Variants in LPIN1 observed in about 807,000 individuals in gnomAD.
LPIN1 encodes lipin 1.
LPIN1 carries 71 observed loss-of-function variants against 107.5 expected under a neutral mutation model. That is an observed-to-expected ratio of 0.66 (90% confidence interval 0.55 to 0.80). The LOEUF (loss-of-function observed/expected upper bound fraction) is 0.80. Ranked by LOEUF, LPIN1 falls within the 30% of genes least tolerant of loss-of-function variation. The pLI, the probability that LPIN1 is intolerant of heterozygous loss-of-function variation, is 0.00. For missense variants in LPIN1, 1,043 were observed against 1,160.6 expected, an observed-to-expected ratio of 0.90 and a Z score of 1.47; for synonymous variants, 445 against 452.6, an observed-to-expected ratio of 0.98 and a Z score of 0.21.
chr2:11,754,526 C>T (rs1463937212), intron 1 of LPIN1, among the ~76,000 whole-genome samples: 1 of 152,218 alleles, frequency 6.6e-6, no homozygotes, highest in Non-Finnish European at 1.5e-5. Flanking sequence ...ACTTTACCTT[C>T]TGAGAGGCTC....
At chr2:11,795,174 G>A (rs568154255) in intron 13 of LPIN1, among the ~76,000 whole-genome samples, 3 of 152,254 alleles carry the variant, frequency 2.0e-5, no homozygotes, top group South Asian at 4.2e-4. Flanking sequence ...TAACAGATTC[G>A]TTTCTGTCAA....
At chr2:11,760,847 C>G (rs1045800340) in intron 1 of LPIN1, among the ~76,000 whole-genome samples, 3 of 152,094 alleles carry the variant, frequency 2.0e-5, no homozygotes, top group African/African-American at 7.2e-5. Context: ...GGGAGGTGGT[C>G]TCATCATTCG....
intron 4 of LPIN1, among the ~76,000 whole-genome samples, chr2:11,773,373 G>A (rs540257292): frequency 5.3e-5 from 8 of 152,312 alleles, no homozygotes; most frequent in African/African-American, 1.7e-4. Context: ...CTGCATGTGT[G>A]TCTGAGTCCA....
chr2:11,721,267 T>C (rs867746652), upstream of LPIN1, among the ~76,000 whole-genome samples: 918 of 113,208 alleles, frequency 8.1e-3, 13 homozygotes, highest in African/African-American at 0.029. Flanking sequence ...TGCATGCGTG[T>C]GTGTGTGTGT....
chr2:11,723,172 C>A (rs1187257634), upstream of LPIN1, among the ~76,000 whole-genome samples: 3 of 152,164 alleles, frequency 2.0e-5, no homozygotes, highest in African/African-American at 7.2e-5. Flanking sequence ...GTTTTGTATG[C>A]CTGGAAGATC....
chr2:11,760,788 C>T (rs772780848), intron 1 of LPIN1, among the ~76,000 whole-genome samples: 1 of 152,048 alleles, frequency 6.6e-6, no homozygotes, highest in Non-Finnish European at 1.5e-5. Flanking sequence ...AAAAAAATAC[C>T]AACAGTAGTT....
chr2:11,720,708 G>GTCA (rs1212024402), upstream of LPIN1, among the ~76,000 whole-genome samples: 1 of 152,076 alleles, frequency 6.6e-6, no homozygotes, highest in Non-Finnish European at 1.5e-5. Flanking sequence ...GTGGAGCCAG[G>GTCA]TCAGCAGTGG....
intron 13 of LPIN1, among the ~76,000 whole-genome samples, chr2:11,792,629 T>C (rs962321408): frequency 2.6e-5 from 4 of 152,138 alleles, no homozygotes; most frequent in African/African-American, 4.8e-5. Flanking sequence ...GCGATCTGCC[T>C]GCCTAGGCCT....
Position 11,765,717 on chromosome 2 carries a change from G to C in LPIN1, c.176G>C (p.Arg59Pro), listed in dbSNP as rs140179571. 6.2e-7 allele frequency: 1 copy of C among 1,610,998 alleles called. No homozygotes were observed. The highest frequency in any genetic ancestry group is 1.1e-5 in the South Asian group (1 of 90,976). The change falls in exon 2 of 21, where the codon CGC becomes CCC. Residue 59 changes from arginine (R) to proline (P), a missense_variant. Physicochemically the swap from Arg to Pro is moderately radical, Grantham distance 103. Transcript: ENST00000674199. The surrounding 1 kb of genome is among the most constrained non-coding windows in gnomAD (Gnocchi z 4.4). ...CGCTTTGGGAAGATGGGGGTCCTGCGCTCCCGAGAGAAAGTGGTGAGCTCT... is the reference window on the plus strand; with the variant it reads ...CGCTTTGGGAAGATGGGGGTCCTGCCCTCCCGAGAGAAAGTGGTGAGCTCT... ...HVRFGKMGVL[R>P]SREKVVDIEI... is the part of the protein sequence containing the mutation.
intron 1 of LPIN1, among the ~76,000 whole-genome samples, chr2:11,710,420 G>A (rs1190689543): frequency 6.6e-6 from 1 of 152,026 alleles, no homozygotes; most frequent in Admixed American, 6.5e-5. Context: ...GACTCACACC[G>A]AGAACAGGAA....
intron 3 of LPIN1, 71 bp downstream of exon 3, chr2:11,767,929 G>C: frequency 1.0e-6 from 1 of 993,376 alleles, no homozygotes. Context: ...TGGAAACACG[G>C]CAGAAGTTTG....
At chr2:11,695,670 G>GT (rs1558725613) in intron 1 of LPIN1, among the ~76,000 whole-genome samples, 2 of 152,206 alleles carry the variant, frequency 1.3e-5, no homozygotes, top group East Asian at 1.9e-4. Flanking sequence ...GTGAAATTCT[G>GT]TTTTTTTGTT....
chr2:11,763,452 C>T lies in LPIN1; in HGVS notation c.-9-2081C>T, dbSNP rs574495367. On this transcript the variant is annotated intron_variant, in intron 1 of 20. Coordinates refer to ENST00000674199, the MANE Select transcript of LPIN1 (RefSeq NM_001349206.2). ...CTACGAAAAGAAGGGCATAACACGG[C>T]GGCAGCTCGCAGTCCAGCTGCTTGA... Among the ~76,000 whole-genome samples, 25 of 152,302 alleles carry T rather than the reference C, an allele frequency of 1.6e-4. No individual in the cohort carries two copies. In the East Asian group the frequency reaches 1.9e-3, roughly 12 times the overall value.
chr2:11,680,882 T>A (rs780856871), intron 1 of LPIN1, among the ~76,000 whole-genome samples: 1 of 152,258 alleles, frequency 6.6e-6, no homozygotes, highest in South Asian at 2.1e-4. Flanking sequence ...CCACGAGGCC[T>A]GGACTCACAC....
intron 14 of LPIN1, 103 bp downstream of exon 14, chr2:11,795,590 TC>T: frequency 9.4e-7 from 1 of 1,065,570 alleles, no homozygotes; most frequent in Non-Finnish European, 1.5e-6. Flanking sequence ...CAGTTCCAAC[TC>T]TGGCTCTGTG....
rs190430752 is a variant in LPIN1 at position 11,771,341 on chromosome 2, G to T, written c.289-31G>T. On this transcript the variant is annotated intron_variant, in intron 3 of 20. Transcript: ENST00000674199. This position sits in a 1 kb window ranked among gnomAD's most constrained non-coding sequence, Gnocchi z 4.8. Reference sequence around the variant, plus strand: ...TGCTTCTTATACCTGAATTAACGAGGCTCTTTTTAGAAAATGTGTTCTTTT... The same window carrying T: ...TGCTTCTTATACCTGAATTAACGAGTCTCTTTTTAGAAAATGTGTTCTTTT... 9 of 1,609,534 alleles carry T rather than the reference G, an allele frequency of 5.6e-6. No homozygotes were observed. The highest frequency in any genetic ancestry group is 7.7e-6 in the Non-Finnish European group (9 of 1,175,830).
rs541265468 is a variant in LPIN1, at chr2:11,759,346, T to C, written c.-9-6187T>C. On this transcript the variant is annotated intron_variant, in intron 1 of 20. Transcript: ENST00000674199. ...ACCCTGGGGCCTTCCGCAGTGTTTGTGTCCCTGGGTACTTGAGATTAGGGA... is the reference window on the plus strand; with the variant it reads ...ACCCTGGGGCCTTCCGCAGTGTTTGCGTCCCTGGGTACTTGAGATTAGGGA... Among the ~76,000 whole-genome samples the C allele has an allele frequency of 3.9e-5, 6 of 152,238 alleles. No individual in the cohort carries two copies. In the East Asian group the frequency reaches 9.7e-4, roughly 24 times the overall value.
Position 11,804,027 on chromosome 2 carries a change from G to C in LPIN1, c.2014-396G>C, listed in dbSNP as rs539828535. ...TTGGCTTAAATTTGTCTCCCTGAATGATGATCTTCCTATTTAGTCCTAGAG... is the reference window on the plus strand; with the variant it reads ...TTGGCTTAAATTTGTCTCCCTGAATCATGATCTTCCTATTTAGTCCTAGAG... On this transcript the variant is annotated intron_variant, in intron 15 of 20. Coordinates refer to ENST00000674199, the MANE Select transcript of LPIN1 (RefSeq NM_001349206.2). Among the ~76,000 whole-genome samples the C allele has an allele frequency of 2.0e-4, 30 of 152,308 alleles. No individual in the cohort carries two copies. The East Asian group carries it at 2.7e-3, about 14-fold the overall frequency.
intron 1 of LPIN1, among the ~76,000 whole-genome samples, chr2:11,731,047 A>G (rs554522594): frequency 1.2e-4 from 18 of 152,332 alleles, no homozygotes; most frequent in Admixed American, 5.2e-4. Context: ...CTCCTGCAGT[A>G]GGTTTAGTAA....
Sources: gnomAD v4.1 joint callset for allele counts (sites outside exome capture counted in the v4.1 genomes callset) on GRCh38, gnomAD v4.1.1 for gene constraint, Gnocchi (gnomAD v3.1) non-coding constraint, MANE v1.5 for transcripts, NCBI Gene and HGNC (gene_info 2026-07-23, HGNC 2026-07-21) for gene names.